Variants in KCNT1 observed in about 807,000 individuals in gnomAD.
The protein encoded by KCNT1 is potassium sodium-activated channel subfamily T member 1.
In KCNT1, 78 loss-of-function variants were observed where a neutral mutation model predicts 147.8. That is an observed-to-expected ratio of 0.53 (90% confidence interval 0.44 to 0.64). The LOEUF (loss-of-function observed/expected upper bound fraction) is 0.64. Among genes scored for constraint, KCNT1 ranks in the 30% least tolerant of loss-of-function variants. KCNT1 has a pLI of 0.00. For synonymous variants in KCNT1, 867 were observed against 748.8 expected, an observed-to-expected ratio of 1.16 and a Z score of -2.58; for missense variants, 1,419 against 1,750.3, an observed-to-expected ratio of 0.81 and a Z score of 3.38.
intron 24 of KCNT1, among the ~76,000 whole-genome samples, chr9:135,780,378 C>T (rs997646813): frequency 1.3e-5 from 2 of 152,134 alleles, no homozygotes; most frequent in Non-Finnish European, 2.9e-5. Context: ...GAGCCAGGCC[C>T]GGCCTGGCCA....
At chr9:135,713,349 T>A (rs994276751) in intron 1 of KCNT1, among the ~76,000 whole-genome samples, 5 of 152,238 alleles carry the variant, frequency 3.3e-5, no homozygotes, top group African/African-American at 1.2e-4. Context: ...GTTGAACCTG[T>A]GACCTCAGAA....
At chr9:135,773,858 G>A (rs1232270920) in intron 19 of KCNT1, among the ~76,000 whole-genome samples, 1 of 152,256 alleles carries the variant, frequency 6.6e-6, no homozygotes, top group East Asian at 1.9e-4. Flanking sequence ...GTGGGTAAGA[G>A]CCCAAGGCCA....
At chr9:135,744,045 A>G (rs1830688327) in intron 2 of KCNT1, among the ~76,000 whole-genome samples, 1 of 152,188 alleles carries the variant, frequency 6.6e-6, no homozygotes. Context: ...CACCTGCCTA[A>G]GAGCCAGCCG....
At chr9:135,757,660 G>A (rs1831586812) in intron 9 of KCNT1, among the ~76,000 whole-genome samples, 1 of 152,230 alleles carries the variant, frequency 6.6e-6, no homozygotes, top group African/African-American at 2.4e-5. Flanking sequence ...AGTGAAGGGT[G>A]TGACAAACCC....
At chr9:135,759,550 G>A (rs1831763555) in intron 10 of KCNT1, 129 bp from the exon 11 acceptor site, 1 of 975,018 alleles carries the variant, frequency 1.0e-6, no homozygotes, top group South Asian at 2.1e-5. Context: ...CAGGAGGGCG[G>A]GGCTCGCCTG....
intron 24 of KCNT1, among the ~76,000 whole-genome samples, chr9:135,782,532 C>T (rs1833689283): frequency 6.6e-6 from 1 of 152,214 alleles, no homozygotes; most frequent in African/African-American, 2.4e-5. Flanking sequence ...TCAGGAAGGG[C>T]TCATCCGCTC....
chr9:135,749,912 G>A (rs1831052345), intron 2 of KCNT1, among the ~76,000 whole-genome samples, 186 bp from the exon 3 acceptor site: 1 of 152,166 alleles, frequency 6.6e-6, no homozygotes, highest in Admixed American at 6.5e-5. Flanking sequence ...TCGGCTGTCT[G>A]CTGGGTGTGA....
intron 23 of KCNT1, 121 bp downstream of exon 23, chr9:135,778,943 C>A: frequency 8.2e-7 from 1 of 1,214,574 alleles, no homozygotes; most frequent in Non-Finnish European, 1.1e-6. Flanking sequence ...ACAGCCACGA[C>A]CACGGGCCCT....
chr9:135,757,130 C>A (rs770372802), intron 7 of KCNT1, 26 bp from the exon 8 acceptor site: 2 of 1,594,212 alleles, frequency 1.3e-6, no homozygotes, highest in South Asian at 1.1e-5. Flanking sequence ...CCATCGCCCC[C>A]GCTGATACCC....
chr9:135,716,682 G>T (rs778442302), intron 2 of KCNT1, among the ~76,000 whole-genome samples: 3 of 152,204 alleles, frequency 2.0e-5, no homozygotes, highest in Non-Finnish European at 4.4e-5. Context: ...CACATGGGTT[G>T]TGTGCCGATG....
chr9:135,749,893 G>A (rs754944099), intron 2 of KCNT1, among the ~76,000 whole-genome samples: 10 of 152,186 alleles, frequency 6.6e-5, no homozygotes, highest in Non-Finnish European at 1.0e-4. Context: ...CAGAGGAGCC[G>A]AGGCTGGGTC....
intron 19 of KCNT1, among the ~76,000 whole-genome samples, chr9:135,774,994 C>T (rs1358248355): frequency 5.3e-5 from 8 of 152,140 alleles, no homozygotes; most frequent in African/African-American, 1.7e-4. Flanking sequence ...CAGGCAGGCA[C>T]GGGTCCTTAA....
intron 2 of KCNT1, among the ~76,000 whole-genome samples, chr9:135,727,504 C>G (rs2131354744): frequency 6.6e-6 from 1 of 151,806 alleles, no homozygotes; most frequent in East Asian, 2.0e-4. Flanking sequence ...TCTGCAGGGT[C>G]CCCTCCACAG....
chr9:135,791,905 T>C, intron 30 of KCNT1, 24 bp downstream of exon 30: 2 of 1,611,922 alleles, frequency 1.2e-6, no homozygotes, highest in Middle Eastern at 1.7e-4. Flanking sequence ...GTGGGCTGTG[T>C]GGAGACCCCC....
At chr9:135,708,396 C>T (rs1006480616) in intron 1 of KCNT1, among the ~76,000 whole-genome samples, 12 of 152,242 alleles carry the variant, frequency 7.9e-5, no homozygotes, top group South Asian at 2.1e-4. Flanking sequence ...CATGCATGTG[C>T]GTATTTACGT....
At chr9:135,764,781 T>C (rs1832140564) in intron 11 of KCNT1, among the ~76,000 whole-genome samples, 2 of 152,074 alleles carry the variant, frequency 1.3e-5, no homozygotes, top group African/African-American at 4.8e-5. Context: ...CTCCACAGTC[T>C]CCAGCCGCCC....
chr9:135,752,160 C>A lies in KCNT1; in HGVS notation c.434+1119C>A. On this transcript the variant is annotated intron_variant, in intron 4 of 30. Coordinates refer to ENST00000371757, the MANE Select transcript of KCNT1 (RefSeq NM_020822.3). The surrounding 1 kb of genome is among the most constrained non-coding windows in gnomAD (Gnocchi z 5.1). ...TCACCATCCAGCCATCGGGGTGAACCCTGCCAGCATGCTGGTCCCCCCTCT... is the reference window on the plus strand; with the variant it reads ...TCACCATCCAGCCATCGGGGTGAACACTGCCAGCATGCTGGTCCCCCCTCT... 2.9e-6 allele frequency: 1 copy of A among 347,288 alleles called. No individual in the cohort carries two copies. 21.5% of individuals were successfully genotyped at this position (347,288 alleles called of 1,614,324 possible).
intron 20 of KCNT1, 60 bp from the exon 21 acceptor site, chr9:135,777,278 C>G: frequency 6.4e-7 from 1 of 1,555,046 alleles, no homozygotes; most frequent in Admixed American, 1.8e-5. Context: ...TGGGAGGGCT[C>G]CAGTGGCCAG....
At chr9:135,750,870 A>T in intron 3 of KCNT1, 72 bp from the exon 4 acceptor site, 1 of 1,400,200 alleles carries the variant, frequency 7.1e-7, no homozygotes, top group East Asian at 2.3e-5. Flanking sequence ...GCCCAGCCAG[A>T]CCCGGGTGCA....
Sources: gnomAD v4.1 joint callset for allele counts (sites outside exome capture counted in the v4.1 genomes callset) on GRCh38, gnomAD v4.1.1 for gene constraint, Gnocchi (gnomAD v3.1) non-coding constraint, MANE v1.5 for transcripts, NCBI Gene and HGNC (gene_info 2026-07-23, HGNC 2026-07-21) for gene names.